Variants in ADGRG2 observed in about 807,000 individuals in gnomAD.
ADGRG2 encodes adhesion G protein-coupled receptor G2, also known as G protein-coupled receptor 64.
A neutral mutation model predicts 74.1 loss-of-function variants in ADGRG2; 26 were observed. The observed-to-expected ratio is 0.35, with a 90% CI of 0.26 to 0.49. The LOEUF is 0.49. ADGRG2 is among the 20% of genes least tolerant of loss of function. ADGRG2 has a pLI of 0.99. For synonymous variants in ADGRG2, 296 were observed against 295.2 expected (o/e 1.00, Z -0.03); for missense variants, 619 against 763.1 (o/e 0.81, Z 2.22).
At chrX:19,011,568 G>A (rs1210651392) in intron 16 of ADGRG2, among the ~76,000 whole-genome samples, 1 of 112,060 alleles carries the variant, frequency 8.9e-6, no homozygotes, top group Non-Finnish European at 1.9e-5. Flanking sequence ...GGCTGGGCAC[G>A]GTGGCTCGCG....
chrX:19,093,401 T>C (rs920204728), intron 1 of ADGRG2, among the ~76,000 whole-genome samples: 1 of 111,279 alleles, frequency 9.0e-6, no homozygotes, highest in Non-Finnish European at 1.9e-5. Context: ...AAGGAGAGGA[T>C]AAAGGGGAAC....
chrX:18,993,031 C>T (rs2059951461), intron 28 of ADGRG2, among the ~76,000 whole-genome samples: 1 of 112,568 alleles, frequency 8.9e-6, no homozygotes, highest in African/African-American at 3.2e-5. Flanking sequence ...CTCTGTTTAC[C>T]TACATTGAAT....
chrX:19,105,415 A>G (rs771941988), intron 1 of ADGRG2, among the ~76,000 whole-genome samples: 99 of 112,248 alleles, frequency 8.8e-4, no homozygotes, highest in Non-Finnish European at 1.7e-3. Context: ...GGCCATGTTA[A>G]ATAGGCCTTT....
intron 14 of ADGRG2, 31 bp downstream of exon 14, chrX:19,021,067 CACATGA>C: frequency 1.5e-6 from 1 of 666,684 alleles, no homozygotes; most frequent in East Asian, 3.2e-5. Context: ...CATTAAAATC[CACATGA>C]AGATTAATGC....
intron 9 of ADGRG2, among the ~76,000 whole-genome samples, chrX:19,030,310 C>T (rs2146686696): frequency 8.9e-6 from 1 of 112,130 alleles, no homozygotes; most frequent in East Asian, 2.8e-4. Flanking sequence ...TTGGTTTTAA[C>T]AAGGAAGGGA....
rs911324900 is a variant in ADGRG2, at chrX:18,990,478, G to C, written c.*386C>G. The C allele has an allele frequency of 8.5e-6, 1 of 117,503 alleles. No individual in the cohort carries two copies. Among genetic ancestry groups the C allele is most frequent in the African/African-American group, 3.2e-5 (1 of 31,092 alleles). The allele number at this position is 117,503 out of a possible 1,213,427, so 9.7% of individuals were successfully genotyped here. ...AGAATTTAGCTTATATACAACAAAG[G>C]CATGCACAACTAAACTCACCAACAG... On this transcript the variant is annotated 3_prime_UTR_variant, in exon 29 of 29. Transcript: ENST00000379869.
chrX:19,022,348 C>T, intron 13 of ADGRG2, among the ~76,000 whole-genome samples: 1 of 111,628 alleles, frequency 9.0e-6, no homozygotes, highest in South Asian at 3.8e-4. Context: ...GTCCTTTCTA[C>T]TTTAGCCTTG....
chrX:19,076,216 T>C (rs2061745765), intron 2 of ADGRG2, among the ~76,000 whole-genome samples: 1 of 111,599 alleles, frequency 9.0e-6, no homozygotes, highest in Admixed American at 9.5e-5. Context: ...TCCTGGAAAT[T>C]GGCACAGAAT....
At chrX:19,066,703 A>T (rs1569120466) in intron 3 of ADGRG2, among the ~76,000 whole-genome samples, 1 of 109,677 alleles carries the variant, frequency 9.1e-6, no homozygotes, top group Non-Finnish European at 1.9e-5. Context: ...GGTTCAAATG[A>T]TCCTCCCTCC....
At position 19,007,364 on chromosome X, in the gene ADGRG2, C is replaced by T; in HGVS notation, c.1567-7G>A. On this transcript the variant is annotated splice_region_variant and splice_polypyrimidine_tract_variant and intron_variant, in intron 19 of 28. Transcript: ENST00000379869. Reference sequence around the variant, plus strand: ...GGTTCTCCAGGGAAGGATCCTGGCACATCAAGATGGCAAGGGTAAATGAGA... The same window carrying T: ...GGTTCTCCAGGGAAGGATCCTGGCATATCAAGATGGCAAGGGTAAATGAGA... 1 of 1,203,470 alleles carries T rather than the reference C, an allele frequency of 8.3e-7. No homozygotes were observed. The highest frequency in any genetic ancestry group is 1.7e-5 in the African/African-American group (1 of 57,681).
At chrX:19,077,334 TAAA>T (rs34976230) in intron 2 of ADGRG2, among the ~76,000 whole-genome samples, 5,095 of 38,043 alleles carry the variant, frequency 0.13, 196 homozygotes, top group East Asian at 0.25. Context: ...CTGTCTCTAC[TAAA>T]AAAAAAAAAA....
intron 26 of ADGRG2, among the ~76,000 whole-genome samples, chrX:18,996,946 G>A (rs189453358): frequency 1.2e-4 from 13 of 112,001 alleles, no homozygotes; most frequent in African/African-American, 3.2e-4. Flanking sequence ...GGGGCCAGGC[G>A]TGGTGGTGGC....
intron 25 of ADGRG2, 73 bp from the exon 26 acceptor site, chrX:18,999,352 T>C: frequency 1.1e-6 from 1 of 883,329 alleles, no homozygotes; most frequent in Non-Finnish European, 1.6e-6. Flanking sequence ...AATGATACAA[T>C]GAATCTCTAA....
At chrX:19,073,308 T>C (rs2061683158) in intron 2 of ADGRG2, among the ~76,000 whole-genome samples, 2 of 112,192 alleles carry the variant, frequency 1.8e-5, no homozygotes, top group Admixed American at 1.9e-4. Context: ...CACTGGTTCT[T>C]AGTAAATTTT....
chrX:19,120,612 A>G (rs1301558246), intron 1 of ADGRG2, among the ~76,000 whole-genome samples: 1 of 111,658 alleles, frequency 9.0e-6, no homozygotes, highest in Non-Finnish European at 1.9e-5. Context: ...TCAAACCCTG[A>G]TCAAAAAATG....
intron 1 of ADGRG2, among the ~76,000 whole-genome samples, chrX:19,115,707 A>G (rs968003199): frequency 1.8e-5 from 2 of 111,691 alleles, no homozygotes; most frequent in African/African-American, 6.5e-5. Flanking sequence ...CTATAATCCC[A>G]GCACTTTGGG....
chrX:19,084,441 C>T (rs917539600), intron 1 of ADGRG2, among the ~76,000 whole-genome samples: 1 of 111,233 alleles, frequency 9.0e-6, no homozygotes, highest in Non-Finnish European at 1.9e-5. Context: ...CAAACCTGCA[C>T]ATCCTGCACA....
chrX:19,093,658 C>T (rs1478759636), intron 1 of ADGRG2, among the ~76,000 whole-genome samples: 2 of 111,210 alleles, frequency 1.8e-5, no homozygotes, highest in African/African-American at 6.5e-5. Flanking sequence ...CCTCCTCCAC[C>T]CCAAAAGTTG....
intron 3 of ADGRG2, among the ~76,000 whole-genome samples, chrX:19,051,226 C>T (rs2061315124): frequency 9.0e-6 from 1 of 111,529 alleles, no homozygotes; most frequent in Non-Finnish European, 1.9e-5. Context: ...AGGCACCCAC[C>T]ACCACGCCCG....
Sources: gnomAD v4.1 joint callset for allele counts (sites outside exome capture counted in the v4.1 genomes callset) on GRCh38, gnomAD v4.1.1 for gene constraint, MANE v1.5 for transcripts, NCBI Gene and HGNC (gene_info 2026-07-23, HGNC 2026-07-21) for gene names.